Variants in RBFOX1 observed in about 807,000 individuals in gnomAD.
RBFOX1 encodes the protein RNA binding protein fox-1 homolog 1.
RBFOX1 carries 8 observed loss-of-function variants against 57.7 expected under a neutral mutation model. The ratio of observed to expected loss-of-function variants is 0.14; its 90% CI spans 0.08 to 0.25. RBFOX1 has a LOEUF of 0.25. Ranked by LOEUF, RBFOX1 falls within the 10% of genes least tolerant of loss-of-function variation. RBFOX1 has a pLI of 1.00. For missense variants in RBFOX1, 611 were observed against 548.5 expected, an observed-to-expected ratio of 1.11 and a Z score of -1.14; for synonymous variants, 326 against 222.4, an observed-to-expected ratio of 1.47 and a Z score of -4.15.
At position 7,377,479 on chromosome 16, in the gene RBFOX1, C is replaced by T. The variant is rs74010695; in HGVS notation, c.28-140668C>T. ...ATTCAATATGACAGCTTGGCTAACACATCAATCATTTGGAAAAAAAATACT... is the reference window on the plus strand; with the variant it reads ...ATTCAATATGACAGCTTGGCTAACATATCAATCATTTGGAAAAAAAATACT... On this transcript the variant is annotated intron_variant, in intron 4 of 15. Transcript: ENST00000550418. 9.4e-3 allele frequency among the ~76,000 whole-genome samples: 1,434 copies of T among 152,270 alleles called. 25 individuals are homozygous for T. The highest frequency in any genetic ancestry group is 0.033 in the African/African-American group (1,364 of 41,556).
At chr16:6,842,455 T>C (rs1412132365) in intron 3 of RBFOX1, among the ~76,000 whole-genome samples, 1 of 152,080 alleles carries the variant, frequency 6.6e-6, no homozygotes, top group Non-Finnish European at 1.5e-5. Flanking sequence ...TCTATATTTA[T>C]ATACAAATAT....
At chr16:5,638,735 C>T (rs1272884093) in intron 3 of RBFOX1, among the ~76,000 whole-genome samples, 1 of 152,180 alleles carries the variant, frequency 6.6e-6, no homozygotes, top group African/African-American at 2.4e-5. Context: ...TGGCTCTCTA[C>T]ATCATAGAGC....
chr16:6,480,580 G>C (rs1305650151), intron 2 of RBFOX1, among the ~76,000 whole-genome samples: 2 of 152,188 alleles, frequency 1.3e-5, no homozygotes, highest in Non-Finnish European at 2.9e-5. Flanking sequence ...GAGAATGGCT[G>C]AGTTTGATTC....
chr16:5,393,384 G>T (rs2066466643), intron 1 of RBFOX1, among the ~76,000 whole-genome samples: 1 of 152,220 alleles, frequency 6.6e-6, no homozygotes, highest in Non-Finnish European at 1.5e-5. Flanking sequence ...TGAAGGATCT[G>T]CCAAGAAGGT....
intron 4 of RBFOX1, among the ~76,000 whole-genome samples, chr16:5,898,869 G>C (rs1281005843): frequency 6.6e-6 from 1 of 150,766 alleles, no homozygotes; most frequent in African/African-American, 2.5e-5. Flanking sequence ...AGATCAGCCT[G>C]GGCAACATAG....
chr16:5,389,330 A>G (rs1007559402), intron 1 of RBFOX1, among the ~76,000 whole-genome samples: 2 of 152,142 alleles, frequency 1.3e-5, no homozygotes, highest in Admixed American at 1.3e-4. Context: ...AGGCTTTTCG[A>G]CCTTGGCTCT....
chr16:6,527,409 C>G (rs1019163370), intron 2 of RBFOX1, among the ~76,000 whole-genome samples: 4 of 152,068 alleles, frequency 2.6e-5, no homozygotes, highest in Non-Finnish European at 4.4e-5. Context: ...CGTCCTTCCC[C>G]CCATCACTTA....
At chr16:6,661,812 G>T (rs149179029) in intron 3 of RBFOX1, among the ~76,000 whole-genome samples, 1 of 152,182 alleles carries the variant, frequency 6.6e-6, no homozygotes, top group African/African-American at 2.4e-5. Context: ...ATTTAGCGGC[G>T]GGATGCCTGG....
chr16:6,277,705 G>C (rs373213108), intron 1 of RBFOX1, among the ~76,000 whole-genome samples: 1 of 150,998 alleles, frequency 6.6e-6, no homozygotes, highest in Non-Finnish European at 1.5e-5. Flanking sequence ...TTCCAAATCC[G>C]TGCTGACTCC....
intron 4 of RBFOX1, among the ~76,000 whole-genome samples, chr16:7,375,049 G>A (rs2097659026): frequency 6.6e-6 from 1 of 152,224 alleles, no homozygotes; most frequent in South Asian, 2.1e-4. Context: ...AGAGTAGATA[G>A]GCGTATGTTT....
At chr16:6,790,823 A>C (rs1303290684) in intron 3 of RBFOX1, among the ~76,000 whole-genome samples, 1 of 152,168 alleles carries the variant, frequency 6.6e-6, no homozygotes, top group Admixed American at 6.6e-5. Context: ...TTTATTTTCA[A>C]ATCACAGTTA....
intron 1 of RBFOX1, among the ~76,000 whole-genome samples, chr16:5,348,987 C>T (rs767745932): frequency 3.9e-5 from 6 of 152,162 alleles, no homozygotes; most frequent in Non-Finnish European, 7.4e-5. Context: ...TTTTGAGAAA[C>T]GTCCATCTTG....
chr16:6,987,272 C>G (rs755386659), intron 3 of RBFOX1, among the ~76,000 whole-genome samples: 23 of 152,106 alleles, frequency 1.5e-4, no homozygotes, highest in Admixed American at 5.9e-4. Context: ...AATATTCATG[C>G]TGGATGGAAT....
At chr16:6,642,079 G>A (rs1411814792) in intron 2 of RBFOX1, among the ~76,000 whole-genome samples, 1 of 152,166 alleles carries the variant, frequency 6.6e-6, no homozygotes, top group African/African-American at 2.4e-5. Context: ...CAGCTACGGA[G>A]AGGGTATGTT....
intron 4 of RBFOX1, among the ~76,000 whole-genome samples, chr16:7,357,873 C>T (rs1213378420): frequency 1.3e-5 from 2 of 152,196 alleles, no homozygotes; most frequent in African/African-American, 2.4e-5. Context: ...GATATTTCTT[C>T]AGTCTAGTTT....
At chr16:6,779,663 C>A (rs1488797440) in intron 3 of RBFOX1, among the ~76,000 whole-genome samples, 1 of 139,324 alleles carries the variant, frequency 7.2e-6, no homozygotes, top group African/African-American at 2.7e-5. Flanking sequence ...TTCTCCATAT[C>A]CTTACCAGCA....
chr16:6,498,286 A>G (rs1407198833), intron 2 of RBFOX1, among the ~76,000 whole-genome samples: 2 of 151,910 alleles, frequency 1.3e-5, no homozygotes, highest in East Asian at 3.9e-4. Flanking sequence ...ACAATTCCAG[A>G]TAGCTATTCC....
At position 6,542,140 on chromosome 16, in the gene RBFOX1, C is replaced by G. The variant is rs12447574; in HGVS notation, c.-63-112463C>G. Among the ~76,000 whole-genome samples the G allele has an allele frequency of 4.6e-5, 7 of 151,942 alleles. No homozygotes were observed. In the South Asian group the frequency reaches 1.5e-3, roughly 32 times the overall value. On this transcript the variant is annotated intron_variant, in intron 2 of 15. Transcript: ENST00000550418. ...AGGCTATTGCTATGTTGCCCAGCCTCGTCTCAAACTCCTGGCCTCAAGTGA... is the reference window on the plus strand; with the variant it reads ...AGGCTATTGCTATGTTGCCCAGCCTGGTCTCAAACTCCTGGCCTCAAGTGA...
At chr16:5,672,415 C>T (rs2050039991) in intron 3 of RBFOX1, among the ~76,000 whole-genome samples, 1 of 152,114 alleles carries the variant, frequency 6.6e-6, no homozygotes. Context: ...TGCTCCAGGG[C>T]CTTTGCACAT....
Sources: gnomAD v4.1 joint callset for allele counts (sites outside exome capture counted in the v4.1 genomes callset) on GRCh38, gnomAD v4.1.1 for gene constraint, MANE v1.5 for transcripts, NCBI Gene and HGNC (gene_info 2026-07-23, HGNC 2026-07-21) for gene names.